PTPRR: variants seen among roughly 807,000 people sequenced by gnomAD.
PTPRR encodes protein tyrosine phosphatase receptor type R, also known as receptor-type tyrosine-protein phosphatase R.
PTPRR carries 38 observed loss-of-function variants against 77.2 expected under a neutral mutation model. That is an observed-to-expected ratio of 0.49 (90% confidence interval 0.38 to 0.65). The LOEUF is 0.65. Among genes scored for constraint, PTPRR ranks in the 30% least tolerant of loss-of-function variants. The probability of loss-of-function intolerance (pLI) is 0.00; values close to 1 mark genes in which losing one functional copy is unlikely to be tolerated. For synonymous variants in PTPRR, 299 were observed against 283.1 expected (o/e 1.06, Z -0.57); for missense variants, 744 against 799.2 (o/e 0.93, Z 0.83).
intron 4 of PTPRR, among the ~76,000 whole-genome samples, chr12:70,759,671 C>A (rs1257109687): frequency 1.9e-5 from 2 of 107,004 alleles, no homozygotes; most frequent in Admixed American, 2.4e-4. Context: ...CAGAGCAAGA[C>A]TCCGTCTTAA....
intron 1 of PTPRR, among the ~76,000 whole-genome samples, chr12:70,914,239 G>A (rs1316462387): frequency 6.6e-6 from 1 of 152,188 alleles, no homozygotes; most frequent in Non-Finnish European, 1.5e-5. Flanking sequence ...GTGTGCAAAG[G>A]AGGGCAAGAT....
At chr12:70,754,636 T>G (rs376916395) in intron 4 of PTPRR, 1 of 1,597,702 alleles carries the variant, frequency 6.3e-7, no homozygotes, top group African/African-American at 1.3e-5. Context: ...GGAAATTGTT[T>G]CTGATTTCCT....
At chr12:70,667,357 G>A (rs1001088383) in intron 10 of PTPRR, among the ~76,000 whole-genome samples, 4 of 152,178 alleles carry the variant, frequency 2.6e-5, no homozygotes, top group Admixed American at 6.5e-5. Context: ...AAGGTGCAAA[G>A]TTAGATTTGG....
chr12:70,698,154 G>T (rs1160269421), intron 8 of PTPRR, 111 bp downstream of exon 8: 2 of 787,506 alleles, frequency 2.5e-6, no homozygotes, highest in East Asian at 5.2e-5. Context: ...TGCCATTGTG[G>T]TTTGCTTTTG....
intron 2 of PTPRR, among the ~76,000 whole-genome samples, chr12:70,850,732 T>C (rs1592792292): frequency 6.6e-6 from 1 of 152,196 alleles, no homozygotes; most frequent in Non-Finnish European, 1.5e-5. Context: ...ACGAAATTGA[T>C]GTACCTTTCA....
At chr12:70,641,205 C>T (rs968507128) in intron 13 of PTPRR, among the ~76,000 whole-genome samples, 1 of 152,220 alleles carries the variant, frequency 6.6e-6, no homozygotes. Context: ...TGAGAGGTGC[C>T]TCCCTTCCTC....
chr12:70,741,214 G>A (rs190964410), intron 6 of PTPRR, among the ~76,000 whole-genome samples: 1 of 152,154 alleles, frequency 6.6e-6, no homozygotes, highest in Non-Finnish European at 1.5e-5. Flanking sequence ...ATATGTAACA[G>A]ATAAGGAGAC....
chr12:70,714,646 A>G (rs1418299128), intron 6 of PTPRR, among the ~76,000 whole-genome samples: 2 of 152,182 alleles, frequency 1.3e-5, no homozygotes, highest in Non-Finnish European at 2.9e-5. Flanking sequence ...CTTCTACTGT[A>G]TATTTGTTTA....
chr12:70,795,910 T>C (rs7302300), intron 2 of PTPRR, among the ~76,000 whole-genome samples: 108,136 of 126,264 alleles, frequency 0.86, 46,850 homozygotes, highest in East Asian at 0.95. Flanking sequence ...ATGTATTTAG[T>C]AGATTTTTTT....
intron 12 of PTPRR, among the ~76,000 whole-genome samples, chr12:70,657,241 G>C (rs1344918335): frequency 6.6e-6 from 1 of 152,136 alleles, no homozygotes; most frequent in East Asian, 1.9e-4. Context: ...GTGATGCCCT[G>C]AGGCCAAGTG....
intron 2 of PTPRR, among the ~76,000 whole-genome samples, chr12:70,859,881 T>C (rs1892722549): frequency 6.6e-6 from 1 of 152,092 alleles, no homozygotes; most frequent in African/African-American, 2.4e-5. Flanking sequence ...ACAAACCAAG[T>C]GCTCAAAAAA....
intron 2 of PTPRR, among the ~76,000 whole-genome samples, chr12:70,803,274 T>C (rs1236652072): frequency 6.6e-6 from 1 of 152,132 alleles, no homozygotes; most frequent in Admixed American, 6.5e-5. Context: ...TAAAACCTTC[T>C]CCTGGCCAGT....
intron 10 of PTPRR, among the ~76,000 whole-genome samples, chr12:70,663,277 G>T (rs570199223): frequency 1.3e-5 from 2 of 152,280 alleles, no homozygotes; most frequent in African/African-American, 4.8e-5. Flanking sequence ...TATACTGCAA[G>T]CAAGGCAACA....
intron 1 of PTPRR, among the ~76,000 whole-genome samples, chr12:70,919,252 T>C (rs771551931): frequency 7.2e-5 from 11 of 152,154 alleles, no homozygotes; most frequent in Non-Finnish European, 1.5e-4. Context: ...ACTCAGCAAA[T>C]GTTGCTTGAA....
intron 2 of PTPRR, among the ~76,000 whole-genome samples, chr12:70,888,005 C>T (rs918360445): frequency 6.4e-5 from 4 of 62,330 alleles, no homozygotes; most frequent in East Asian, 1.0e-3. Context: ...AGAAGGCAGT[C>T]GTGAATGTGT....
chr12:70,748,476 A>G (rs1011762929), intron 5 of PTPRR, among the ~76,000 whole-genome samples: 8 of 152,168 alleles, frequency 5.3e-5, no homozygotes, highest in Non-Finnish European at 1.0e-4. Context: ...GCAAGTCAAC[A>G]TTTTGCCTTC....
chr12:70,674,897 G>A (rs1313851278), intron 10 of PTPRR, among the ~76,000 whole-genome samples: 1 of 152,008 alleles, frequency 6.6e-6, no homozygotes, highest in Non-Finnish European at 1.5e-5. Context: ...TAATGCTTCA[G>A]ATATTTGGGG....
chr12:70,765,846 C>T (rs1240434262), intron 2 of PTPRR, among the ~76,000 whole-genome samples: 6 of 152,156 alleles, frequency 3.9e-5, no homozygotes, highest in Admixed American at 1.3e-4. Context: ...CAGCAGCATT[C>T]GCAGTTCACA....
intron 2 of PTPRR, among the ~76,000 whole-genome samples, chr12:70,766,384 T>C (rs1173593969): frequency 7.2e-5 from 11 of 152,010 alleles, no homozygotes; most frequent in East Asian, 3.9e-4. Flanking sequence ...CCTCAGGAGC[T>C]GATGCAATCA....
Sources: gnomAD v4.1 joint callset for allele counts (sites outside exome capture counted in the v4.1 genomes callset) on GRCh38, gnomAD v4.1.1 for gene constraint, MANE v1.5 for transcripts, NCBI Gene and HGNC (gene_info 2026-07-23, HGNC 2026-07-21) for gene names.